Variants in CNBD1 observed in about 807,000 individuals in gnomAD.
CNBD1 encodes cyclic nucleotide-binding domain-containing protein 1.
Under a neutral mutation model 54.4 loss-of-function variants are expected in CNBD1, and 71 were observed. The observed-to-expected ratio is 1.30, with a 90% CI of 1.08 to 1.59. CNBD1 has a LOEUF of 1.59. Among genes scored for constraint, CNBD1 ranks in the 40% most tolerant of loss-of-function variants. The pLI, the probability that CNBD1 is intolerant of heterozygous loss-of-function variation, is 0.00. For missense variants in CNBD1, 659 were observed against 518.0 expected (o/e 1.27, Z -2.64); for synonymous variants, 182 against 170.7 (o/e 1.07, Z -0.51).
At chr8:87,302,209 C>A (rs1809014659) in intron 8 of CNBD1, among the ~76,000 whole-genome samples, 1 of 152,190 alleles carries the variant, frequency 6.6e-6, no homozygotes, top group Non-Finnish European at 1.5e-5. Context: ...AGACCAATAT[C>A]CCTGATGAAC....
intron 7 of CNBD1, among the ~76,000 whole-genome samples, chr8:87,285,112 A>G (rs1379414680): frequency 2.0e-5 from 3 of 152,040 alleles, no homozygotes; most frequent in African/African-American, 7.2e-5. Context: ...CATTCAACAA[A>G]TATGTGTTTT....
At chr8:87,362,885 G>A (rs1287528964) in intron 10 of CNBD1, among the ~76,000 whole-genome samples, 2 of 150,860 alleles carry the variant, frequency 1.3e-5, no homozygotes, top group African/African-American at 4.9e-5. Flanking sequence ...CTTTTTTTTT[G>A]TACTTTAAGT....
chr8:87,418,926 T>C (rs1324477631), intron 2 of CNBD1, among the ~76,000 whole-genome samples: 1 of 151,898 alleles, frequency 6.6e-6, no homozygotes, highest in Non-Finnish European at 1.5e-5. Flanking sequence ...TGACTTTTTA[T>C]ATGACTCAGC....
chr8:86,991,787 G>A (rs527648824), intron 4 of CNBD1, among the ~76,000 whole-genome samples: 28 of 152,180 alleles, frequency 1.8e-4, no homozygotes, highest in African/African-American at 6.5e-4. Flanking sequence ...AGTTATTCAG[G>A]AGCAAATGTT....
At chr8:86,900,253 A>G (rs896949837) in intron 2 of CNBD1, among the ~76,000 whole-genome samples, 2 of 150,162 alleles carry the variant, frequency 1.3e-5, no homozygotes, top group Non-Finnish European at 2.9e-5. Context: ...TACGTTCTAC[A>G]CTACAGGAAT....
intron 4 of CNBD1, among the ~76,000 whole-genome samples, chr8:87,070,332 G>A (rs1447587335): frequency 6.6e-6 from 1 of 152,046 alleles, no homozygotes. Flanking sequence ...GTGGGATGGG[G>A]AAGAGGAGAA....
At chr8:87,324,083 C>T (rs1332224853) in intron 8 of CNBD1, among the ~76,000 whole-genome samples, 7 of 125,160 alleles carry the variant, frequency 5.6e-5, no homozygotes, top group Non-Finnish European at 1.3e-4. Context: ...GTCTTTGGCT[C>T]TTTTTATATG....
chr8:87,381,429 G>A lies in CNBD1; in HGVS notation c.1304-1191G>A, dbSNP rs149218064. On this transcript the variant is annotated intron_variant, in intron 10 of 10. Transcript: ENST00000518476. ...ATTGGACTTTTTGCACTCTGTTAAT[G>A]GGAGCACAAAATGATGTAGCCACTA... Among the ~76,000 whole-genome samples the A allele has an allele frequency of 6.1e-4, 92 of 152,004 alleles. 1 individual carries two copies. In the East Asian group the frequency reaches 0.016, roughly 27 times the overall value.
At chr8:86,883,939 C>CAGG (rs1808640578) in intron 1 of CNBD1, among the ~76,000 whole-genome samples, 1 of 151,998 alleles carries the variant, frequency 6.6e-6, no homozygotes, top group East Asian at 1.9e-4. Flanking sequence ...ATCACGAGGT[C>CAGG]AGGAGATCGA....
At chr8:87,062,430 A>C (rs1387061488) in intron 4 of CNBD1, among the ~76,000 whole-genome samples, 1 of 152,182 alleles carries the variant, frequency 6.6e-6, no homozygotes, top group African/African-American at 2.4e-5. Context: ...ACTATAAACC[A>C]TGTACTCTAT....
At chr8:87,392,130 A>G (rs1355363130) in intron 2 of CNBD1, among the ~76,000 whole-genome samples, 1 of 152,080 alleles carries the variant, frequency 6.6e-6, no homozygotes, top group Admixed American at 6.6e-5. Context: ...ACTATTTTGA[A>G]AAATTATAAA....
intron 4 of CNBD1, among the ~76,000 whole-genome samples, chr8:87,194,176 C>T (rs1003238296): frequency 6.6e-6 from 1 of 152,182 alleles, no homozygotes. Flanking sequence ...CTCCACTAAA[C>T]CAGTCCCTAG....
At chr8:87,101,002 A>T (rs913872640) in intron 4 of CNBD1, among the ~76,000 whole-genome samples, 2 of 152,152 alleles carry the variant, frequency 1.3e-5, no homozygotes, top group African/African-American at 4.8e-5. Flanking sequence ...AAAACGAAAA[A>T]CTTCAGTTCC....
intron 3 of CNBD1, among the ~76,000 whole-genome samples, chr8:86,927,438 C>T (rs908317924): frequency 1.3e-5 from 2 of 151,988 alleles, no homozygotes; most frequent in East Asian, 1.9e-4. Context: ...CCCTGAGAAG[C>T]AGACAAGCTG....
chr8:87,062,536 G>A (rs1256887343), intron 4 of CNBD1, among the ~76,000 whole-genome samples: 2 of 152,004 alleles, frequency 1.3e-5, no homozygotes, highest in East Asian at 1.9e-4. Flanking sequence ...TCAGGAGTTC[G>A]AGACCAGCCT....
In CNBD1 at chr8:87,256,015, A is replaced by ATTTTTTTT. The variant is rs1212667153; in HGVS notation, c.771+18921_771+18928dup. On this transcript the variant is annotated intron_variant, in intron 6 of 10. Transcript: ENST00000518476. ...TATATATATATATATATATATATATATTTTTTTTTTTTTTTTTTTTTTTTT... is the reference window on the plus strand; with the variant it reads ...TATATATATATATATATATATATATATTTTTTTTTTTTTTTTTTTTTTTTTTTTTTTTT... 1.9e-4 allele frequency among the ~76,000 whole-genome samples: 3 copies of ATTTTTTTT among 15,780 alleles called. 1 individual carries two copies. The highest frequency in any genetic ancestry group is 3.1e-4 in the Non-Finnish European group (3 of 9,792). The allele number at this position is 15,780 out of a possible 152,430, so 10.4% of individuals were successfully genotyped here.
At position 87,322,914 on chromosome 8, in the gene CNBD1, C is replaced by G. The variant is rs879544892; in HGVS notation, c.1043-28771C>G. ...TCCTGAATGGTAATGCCTAGGTTTTCTTCTAGGGTTTTTATGGTTTTAGGT... is the reference window on the plus strand; with the variant it reads ...TCCTGAATGGTAATGCCTAGGTTTTGTTCTAGGGTTTTTATGGTTTTAGGT... On this transcript the variant is annotated intron_variant, in intron 8 of 10. Coordinates refer to ENST00000518476, the MANE Select transcript of CNBD1 (RefSeq NM_173538.3). 8.3e-3 allele frequency among the ~76,000 whole-genome samples: 936 copies of G among 112,494 alleles called. 5 individuals are homozygous for G. The highest frequency in any genetic ancestry group is 0.013 in the Non-Finnish European group (680 of 51,958). 73.8% of individuals were successfully genotyped at this position (112,494 alleles called of 152,430 possible).
chr8:87,305,356 A>T (rs552636180), intron 8 of CNBD1, among the ~76,000 whole-genome samples: 4 of 152,176 alleles, frequency 2.6e-5, no homozygotes, highest in Admixed American at 2.6e-4. Context: ...AAATCAATGC[A>T]CTTCCCATCA....
At chr8:87,209,961 G>A (rs919354211) in intron 5 of CNBD1, among the ~76,000 whole-genome samples, 2 of 152,158 alleles carry the variant, frequency 1.3e-5, no homozygotes, top group Non-Finnish European at 2.9e-5. Context: ...TCACCCCCAT[G>A]CAGTTCTCAT....
Sources: gnomAD v4.1 joint callset for allele counts (sites outside exome capture counted in the v4.1 genomes callset) on GRCh38, gnomAD v4.1.1 for gene constraint, MANE v1.5 for transcripts, NCBI Gene and HGNC (gene_info 2026-07-23, HGNC 2026-07-21) for gene names.